Variants in INO80C observed in about 807,000 individuals in gnomAD.
INO80C encodes the protein IES6 homolog.
INO80C carries 17 observed loss-of-function variants against 17.7 expected under a neutral mutation model. The ratio of observed to expected loss-of-function variants is 0.96; its 90% CI spans 0.66 to 1.44. The LOEUF (loss-of-function observed/expected upper bound fraction) is 1.44, where lower values mean the gene tolerates loss of function less well. Among genes scored for constraint, INO80C ranks in the 40% most tolerant of loss-of-function variants. The pLI is 0.00. For synonymous variants in INO80C, 96 were observed against 95.8 expected, an observed-to-expected ratio of 1.00 and a Z score of -0.01; for missense variants, 244 against 245.0, an observed-to-expected ratio of 1.00 and a Z score of 0.03.
rs116398109 is a variant in INO80C at position 35,488,188 on chromosome 18, T to C, written c.157-7625A>G. ...TTGGTGGATCTACCATTCCGGGCTC[T>C]GAAGGACGGTGGCTCTCTTCTCACA... On this transcript the variant is annotated intron_variant, in intron 1 of 4. Coordinates refer to ENST00000334598, the MANE Select transcript of INO80C (RefSeq NM_194281.4). 2.1e-3 allele frequency among the ~76,000 whole-genome samples: 326 copies of C among 152,354 alleles called. 3 individuals are homozygous for C. Among genetic ancestry groups the C allele is most frequent in the African/African-American group, 7.6e-3 (318 of 41,596 alleles).
chr18:35,470,005 C>T (rs999682312), intron 4 of INO80C, among the ~76,000 whole-genome samples: 5 of 152,224 alleles, frequency 3.3e-5, no homozygotes, highest in Non-Finnish European at 7.4e-5. Context: ...TGGGCTTCTA[C>T]GGATTTTGAA....
chr18:35,479,331 C>G lies in INO80C; in HGVS notation c.348G>C (p.Arg116Ser). ...GATCGTTCAGTTGCCACGGCAATGC[C>G]CTTTCAGAAGCGAGGATTTGTTTCA... ...KNLKQILASE[R>S]ALPWQLNDPN... Residue 116 changes from arginine (R) to serine (S), a missense_variant, in exon 3 of 5, where the codon AGG becomes AGC. Physicochemically the swap from Arg to Ser is moderately radical, Grantham distance 110. Transcript: ENST00000334598. 6.2e-7 allele frequency: 1 copy of G among 1,613,926 alleles called. No homozygotes were observed. Among genetic ancestry groups the G allele is most frequent in the Non-Finnish European group, 8.5e-7 (1 of 1,179,834 alleles).
rs533720598 is a variant in INO80C at position 35,494,699 on chromosome 18, G to T, written c.156+3020C>A. Among the ~76,000 whole-genome samples, 37 of 152,328 alleles carry T rather than the reference G, an allele frequency of 2.4e-4. 1 individual carries two copies. The highest frequency in any genetic ancestry group is 8.7e-4 in the African/African-American group (36 of 41,572). ...CAGACAAGAACTCGGCTAACACTTT[G>T]ATTTCAGCTTTGTGATACCCAGAGC... On this transcript the variant is annotated intron_variant, in intron 1 of 4. Coordinates refer to ENST00000334598, the MANE Select transcript of INO80C (RefSeq NM_194281.4).
rs11659769 is a variant in INO80C at position 35,468,437 on chromosome 18, A to T, written c.*174T>A. 3.5e-5 allele frequency: 50 copies of T among 1,418,536 alleles called. No homozygotes were observed. The East Asian group carries it at 1.2e-3, about 33-fold the overall frequency. 87.9% of individuals were successfully genotyped at this position (1,418,536 alleles called of 1,614,324 possible). Reference sequence around the variant, plus strand: ...AGCAGGAAATATCACACTTGGAGGGAAAACACACACTAAAAAAAAAAAAAA... The same window carrying T: ...AGCAGGAAATATCACACTTGGAGGGTAAACACACACTAAAAAAAAAAAAAA... On this transcript the variant is annotated 3_prime_UTR_variant, in exon 5 of 5. Coordinates refer to ENST00000334598, the MANE Select transcript of INO80C (RefSeq NM_194281.4).
Position 35,480,446 on chromosome 18 carries a change from T to G in INO80C, c.267+7A>C. On this transcript the variant is annotated splice_region_variant and intron_variant, in intron 2 of 4. Coordinates refer to ENST00000334598, the MANE Select transcript of INO80C (RefSeq NM_194281.4). ...ATGTTTATTCAGCTAATACCTTCGATGCTTACCACAAAGTTGGGATCCTTA... is the reference window on the plus strand; with the variant it reads ...ATGTTTATTCAGCTAATACCTTCGAGGCTTACCACAAAGTTGGGATCCTTA... 6.3e-7 allele frequency: 1 copy of G among 1,588,798 alleles called. No individual in the cohort carries two copies. The highest frequency in any genetic ancestry group is 8.6e-7 in the Non-Finnish European group (1 of 1,156,868).
intron 4 of INO80C, among the ~76,000 whole-genome samples, chr18:35,471,152 T>C (rs968307270): frequency 6.6e-6 from 1 of 152,244 alleles, no homozygotes; most frequent in Non-Finnish European, 1.5e-5. Flanking sequence ...TTTTTAATTA[T>C]GTAACTTTAA....
In INO80C at chr18:35,468,371, AC is replaced by A; in HGVS notation, c.*239del. On this transcript the variant is annotated 3_prime_UTR_variant, in exon 5 of 5. Coordinates refer to ENST00000334598, the MANE Select transcript of INO80C (RefSeq NM_194281.4). Reference sequence around the variant, plus strand: ...TGGTTTTATTGTATCTTCTTGTCAAACACCTTTACTTGAGGCAACAACTGAA... The same window carrying A: ...TGGTTTTATTGTATCTTCTTGTCAAAACCTTTACTTGAGGCAACAACTGAA... 4 of 1,350,514 alleles carry A rather than the reference AC, an allele frequency of 3.0e-6. No individual in the cohort carries two copies. Among genetic ancestry groups the A allele is most frequent in the Non-Finnish European group, 3.8e-6 (4 of 1,049,256 alleles). The allele number at this position is 1,350,514 out of a possible 1,614,324, so 83.7% of individuals were successfully genotyped here.
Position 35,468,579 on chromosome 18 carries a change from A to G in INO80C, c.*32T>C, listed in dbSNP as rs778094267. On this transcript the variant is annotated 3_prime_UTR_variant, in exon 5 of 5. Coordinates refer to ENST00000334598, the MANE Select transcript of INO80C (RefSeq NM_194281.4). Reference sequence around the variant, plus strand: ...CATGAGTCCAGAGTCTGTTTTTGAAACAGCTTTCCACTTCATCTCCCTTTC... The same window carrying G: ...CATGAGTCCAGAGTCTGTTTTTGAAGCAGCTTTCCACTTCATCTCCCTTTC... 5 of 1,613,658 alleles carry G rather than the reference A, an allele frequency of 3.1e-6. No homozygotes were observed. Among genetic ancestry groups the G allele is most frequent in the Non-Finnish European group, 3.4e-6 (4 of 1,179,830 alleles).
chr18:35,489,740 T>C (rs941321833), intron 1 of INO80C, among the ~76,000 whole-genome samples: 1 of 152,230 alleles, frequency 6.6e-6, no homozygotes, highest in African/African-American at 2.4e-5. Context: ...AAAGTCTGTG[T>C]ATTAAATATC....
At chr18:35,482,778 TCCTC>T (rs1249254491) in intron 1 of INO80C, among the ~76,000 whole-genome samples, 1 of 152,096 alleles carries the variant, frequency 6.6e-6, no homozygotes, top group Non-Finnish European at 1.5e-5. Flanking sequence ...CACTCTCCCT[TCCTC>T]CCACAGTCCT....
rs115836134 is a variant in INO80C at position 35,479,209 on chromosome 18, A to G, written c.379+91T>C. On this transcript the variant is annotated intron_variant, in intron 3 of 4. Coordinates refer to ENST00000334598, the MANE Select transcript of INO80C (RefSeq NM_194281.4). Reference sequence around the variant, plus strand: ...CTCAAGCTAAAAATTATTTCCTACAATGATGCAAACACAATACAATAATGT... The same window carrying G: ...CTCAAGCTAAAAATTATTTCCTACAGTGATGCAAACACAATACAATAATGT... The G allele has an allele frequency of 9.7e-4, 767 of 791,518 alleles. 8 individuals are homozygous for G. The African/African-American group carries it at 0.011, about 12-fold the overall frequency. 49.0% of individuals were successfully genotyped at this position (791,518 alleles called of 1,614,324 possible).
chr18:35,479,451 T>C, intron 2 of INO80C, 40 bp from the exon 3 acceptor site: 2 of 1,246,634 alleles, frequency 1.6e-6, no homozygotes, highest in Middle Eastern at 1.9e-4. Context: ...CAAAAACCAA[T>C]GGAGACTACC....
chr18:35,495,060 G>A (rs766822906), intron 1 of INO80C, among the ~76,000 whole-genome samples: 1 of 152,202 alleles, frequency 6.6e-6, no homozygotes, highest in Non-Finnish European at 1.5e-5. Flanking sequence ...AGCCCTCAGG[G>A]GTACTGTGCT....
At chr18:35,495,544 A>G (rs549447659) in intron 1 of INO80C, among the ~76,000 whole-genome samples, 1 of 152,210 alleles carries the variant, frequency 6.6e-6, no homozygotes, top group Non-Finnish European at 1.5e-5. Context: ...GGGAATAGAG[A>G]GTTAAGATTT....
At chr18:35,482,423 G>A (rs1182205636) in intron 1 of INO80C, among the ~76,000 whole-genome samples, 3 of 152,084 alleles carry the variant, frequency 2.0e-5, no homozygotes, top group Non-Finnish European at 4.4e-5. Flanking sequence ...TCATGTTGGG[G>A]GAAGAGGAGT....
intron 1 of INO80C, among the ~76,000 whole-genome samples, chr18:35,489,630 A>G (rs1331920379): frequency 6.6e-6 from 1 of 152,212 alleles, no homozygotes; most frequent in Non-Finnish European, 1.5e-5. Context: ...AGATAAAAAG[A>G]CTAAGGAAGT....
intron 1 of INO80C, among the ~76,000 whole-genome samples, chr18:35,495,386 C>T (rs1276387286): frequency 6.6e-6 from 1 of 152,180 alleles, no homozygotes; most frequent in Non-Finnish European, 1.5e-5. Flanking sequence ...TGTCCTCCAG[C>T]CTGGGTGACA....
At chr18:35,468,774 A>C (rs1459081500) in intron 4 of INO80C, 32 bp from the exon 5 acceptor site, 27 of 1,600,298 alleles carry the variant, frequency 1.7e-5, no homozygotes, top group African/African-American at 2.7e-5. Flanking sequence ...GAAGGGCAGA[A>C]AGTTTTTGCT....
intron 4 of INO80C, among the ~76,000 whole-genome samples, chr18:35,476,781 A>G (rs932383330): frequency 2.0e-5 from 3 of 152,230 alleles, no homozygotes; most frequent in Non-Finnish European, 4.4e-5. Flanking sequence ...TTGGGAGATC[A>G]CTTGAGCCAA....
Sources: allele counts gnomAD v4.1 joint callset (sites outside exome capture counted in the v4.1 genomes callset), GRCh38; gene constraint gnomAD v4.1.1; transcripts MANE v1.5; gene names NCBI Gene and HGNC (gene_info 2026-07-23, HGNC 2026-07-21).